Variants in MAGI2 observed in about 807,000 individuals in gnomAD.
The protein encoded by MAGI2 is membrane-associated guanylate kinase, WW and PDZ domain-containing protein 2.
Under a neutral mutation model 133.3 loss-of-function variants are expected in MAGI2, and 35 were observed. The ratio of observed to expected loss-of-function variants is 0.26; its 90% confidence interval spans 0.20 to 0.35. The LOEUF (loss-of-function observed/expected upper bound fraction) is 0.35. Ranked by LOEUF, MAGI2 falls within the 10% of genes least tolerant of loss-of-function variation. The pLI, the probability that MAGI2 is intolerant of heterozygous loss-of-function variation, is 1.00. For synonymous variants in MAGI2, 729 were observed against 710.6 expected (o/e 1.03, Z -0.41); for missense variants, 1,636 against 1,863.4 (o/e 0.88, Z 2.25).
At chr7:79,112,712 T>C (rs1164038655) in intron 1 of MAGI2, among the ~76,000 whole-genome samples, 1 of 152,218 alleles carries the variant, frequency 6.6e-6, no homozygotes, top group African/African-American at 2.4e-5. Context: ...TTTTTTGTAC[T>C]TGTCAGCCCA....
At chr7:78,574,979 A>T (rs749333454) in intron 3 of MAGI2, among the ~76,000 whole-genome samples, 4 of 152,178 alleles carry the variant, frequency 2.6e-5, no homozygotes, top group Admixed American at 6.5e-5. Context: ...CTAACTTCTT[A>T]GCCAGAAACC....
At chr7:79,299,724 C>T (rs1837245414) in intron 1 of MAGI2, among the ~76,000 whole-genome samples, 1 of 151,918 alleles carries the variant, frequency 6.6e-6, no homozygotes, top group African/African-American at 2.4e-5. Context: ...TATTTGTTCC[C>T]ACCCAAATCT....
At chr7:78,628,207 C>A (rs151228179) in intron 2 of MAGI2, among the ~76,000 whole-genome samples, 2 of 152,236 alleles carry the variant, frequency 1.3e-5, no homozygotes, top group Non-Finnish European at 2.9e-5. Flanking sequence ...CTTGAATATG[C>A]CCTAAGCTTC....
intron 1 of MAGI2, among the ~76,000 whole-genome samples, chr7:79,016,252 G>C (rs1271062306): frequency 5.3e-5 from 8 of 152,100 alleles, no homozygotes; most frequent in African/African-American, 1.9e-4. Flanking sequence ...GAAACTTAAG[G>C]CCTAAGAAAA....
intron 3 of MAGI2, among the ~76,000 whole-genome samples, chr7:78,590,672 G>C (rs1037822839): frequency 6.6e-6 from 1 of 152,184 alleles, no homozygotes; most frequent in African/African-American, 2.4e-5. Flanking sequence ...AGAAGCCACA[G>C]GAAAACCATT....
chr7:78,763,067 A>G (rs1350988283), intron 2 of MAGI2, among the ~76,000 whole-genome samples: 3 of 152,210 alleles, frequency 2.0e-5, no homozygotes, highest in Non-Finnish European at 4.4e-5. Flanking sequence ...AACTTTATCA[A>G]AGGCCTGCCA....
rs1584801529 is a variant in MAGI2 at position 79,054,590 on chromosome 7, C to T, written c.302-47384G>A. 3.3e-5 allele frequency among the ~76,000 whole-genome samples: 5 copies of T among 152,210 alleles called. 1 individual carries two copies. In the East Asian group the frequency reaches 9.6e-4, roughly 29 times the overall value. On this transcript the variant is annotated intron_variant, in intron 1 of 21. Transcript: ENST00000354212. Reference sequence around the variant, plus strand: ...GGTCTTTCTTTCCAGCCACTCTCTTCATACCATAAACTAGGCCTTGATACC... The same window carrying T: ...GGTCTTTCTTTCCAGCCACTCTCTTTATACCATAAACTAGGCCTTGATACC...
At chr7:79,315,324 A>AGTTT (rs1563107001) in intron 1 of MAGI2, among the ~76,000 whole-genome samples, 1 of 84,066 alleles carries the variant, frequency 1.2e-5, no homozygotes. Context: ...ATGCCCAGTT[A>AGTTT]ATTTTTTTTT....
At chr7:78,824,677 T>A (rs1208044610) in intron 2 of MAGI2, among the ~76,000 whole-genome samples, 1 of 152,204 alleles carries the variant, frequency 6.6e-6, no homozygotes, top group Non-Finnish European at 1.5e-5. Flanking sequence ...TATTAGACCT[T>A]TGTCAGATGA....
chr7:78,215,471 G>A (rs146154879), intron 10 of MAGI2, among the ~76,000 whole-genome samples: 1 of 152,296 alleles, frequency 6.6e-6, no homozygotes, highest in Non-Finnish European at 1.5e-5. Context: ...AACACCACCT[G>A]TTGTAGATGC....
At chr7:79,083,154 A>G (rs527658635) in intron 1 of MAGI2, among the ~76,000 whole-genome samples, 1 of 151,448 alleles carries the variant, frequency 6.6e-6, no homozygotes, top group Non-Finnish European at 1.5e-5. Flanking sequence ...TTTCTTTCCA[A>G]CCTAGATGCT....
At chr7:78,299,487 T>G (rs1797639503) in intron 9 of MAGI2, among the ~76,000 whole-genome samples, 1 of 152,176 alleles carries the variant, frequency 6.6e-6, no homozygotes, top group Admixed American at 6.5e-5. Context: ...ATAAGCACAG[T>G]ATGATTATGG....
intron 1 of MAGI2, among the ~76,000 whole-genome samples, chr7:79,021,174 T>C (rs926167777): frequency 2.0e-5 from 3 of 152,184 alleles, no homozygotes; most frequent in African/African-American, 7.2e-5. Flanking sequence ...TAGGCAGAAG[T>C]CTGCTGCATG....
chr7:79,426,032 C>T (rs1015200544), intron 1 of MAGI2, among the ~76,000 whole-genome samples: 1 of 152,138 alleles, frequency 6.6e-6, no homozygotes, highest in African/African-American at 2.4e-5. Flanking sequence ...ATCGGATGGT[C>T]TTCGAAACAT....
intron 2 of MAGI2, among the ~76,000 whole-genome samples, chr7:78,794,718 C>G (rs1583916854): frequency 2.6e-5 from 4 of 151,870 alleles, no homozygotes; most frequent in African/African-American, 9.7e-5. Context: ...CTTATTTTCT[C>G]TACTGATCAA....
chr7:79,015,999 G>T (rs906770879), intron 1 of MAGI2, among the ~76,000 whole-genome samples: 3 of 39,100 alleles, frequency 7.7e-5, no homozygotes, highest in East Asian at 4.6e-4. Context: ...CTGGAGAAGC[G>T]GGGGGGGGGG....
intron 20 of MAGI2, among the ~76,000 whole-genome samples, chr7:78,091,926 A>C (rs1237868469): frequency 2.6e-5 from 4 of 152,246 alleles, no homozygotes; most frequent in Non-Finnish European, 5.9e-5. Flanking sequence ...GTAGGATGAA[A>C]AAGAAAGTCT....
rs117896470 is a variant in MAGI2, at chr7:78,400,347, T to C, written c.1046-31134A>G. On this transcript the variant is annotated intron_variant, in intron 6 of 21. Coordinates refer to ENST00000354212, the MANE Select transcript of MAGI2 (RefSeq NM_012301.4). The stretch of plus-strand genomic sequence containing the variant: ...CAACAAAAATACTCTATTATCTACT[T>C]ACTTCAGTCATTTTTAAGTACATTC... Among the ~76,000 whole-genome samples the C allele has an allele frequency of 7.3e-3, 788 of 107,412 alleles. 3 individuals carry two copies. The highest frequency in any genetic ancestry group is 0.014 in the Non-Finnish European group (605 of 44,476). 70.5% of individuals were successfully genotyped at this position (107,412 alleles called of 152,430 possible).
chr7:78,394,221 T>A (rs1342231581), intron 6 of MAGI2, among the ~76,000 whole-genome samples: 1 of 152,198 alleles, frequency 6.6e-6, no homozygotes, highest in Non-Finnish European at 1.5e-5. Flanking sequence ...GGGCATCCCT[T>A]ACCTCAGTCA....
Sources: gnomAD v4.1 joint callset for allele counts (sites outside exome capture counted in the v4.1 genomes callset) on GRCh38, gnomAD v4.1.1 for gene constraint, MANE v1.5 for transcripts, NCBI Gene and HGNC (gene_info 2026-07-23, HGNC 2026-07-21) for gene names.